BANK1: variants seen among roughly 807,000 people sequenced by gnomAD.
The protein encoded by BANK1 is B-cell scaffold protein with ankyrin repeats.
Under a neutral mutation model 94.5 loss-of-function variants are expected in BANK1, and 95 were observed. The observed-to-expected ratio is 1.00, with a 90% CI of 0.85 to 1.19. The LOEUF (loss-of-function observed/expected upper bound fraction) is 1.19, where lower values mean the gene tolerates loss of function less well. Among genes scored for constraint, BANK1 ranks in the 50% most tolerant of loss-of-function variants. The pLI, the probability that BANK1 is intolerant of heterozygous loss-of-function variation, is 0.00. For synonymous variants in BANK1, 334 were observed against 308.4 expected (o/e 1.08, Z -0.87); for missense variants, 987 against 932.2 (o/e 1.06, Z -0.77).
intron 7 of BANK1, among the ~76,000 whole-genome samples, chr4:101,932,240 C>A (rs1723376767): frequency 6.6e-6 from 1 of 151,464 alleles, no homozygotes; most frequent in African/African-American, 2.4e-5. Context: ...CCACTCTAAC[C>A]TTAATAAACC....
At chr4:102,049,442 A>G (rs537375948) in intron 11 of BANK1, among the ~76,000 whole-genome samples, 2 of 152,284 alleles carry the variant, frequency 1.3e-5, no homozygotes, top group East Asian at 3.9e-4. Flanking sequence ...CGTGGATATG[A>G]CACGTGGCAA....
intron 7 of BANK1, among the ~76,000 whole-genome samples, chr4:101,980,244 T>C (rs1370433004): frequency 6.6e-6 from 1 of 151,846 alleles, no homozygotes; most frequent in East Asian, 1.9e-4. Flanking sequence ...GCTAGGTTTT[T>C]CATAATTTTG....
chr4:101,970,556 G>T (rs764448596), intron 7 of BANK1, among the ~76,000 whole-genome samples: 3 of 152,080 alleles, frequency 2.0e-5, no homozygotes, highest in Non-Finnish European at 4.4e-5. Flanking sequence ...AAGCTTGGAC[G>T]TAAGATACTC....
chr4:102,063,253 T>G, intron 13 of BANK1, 115 bp downstream of exon 13: 1 of 885,770 alleles, frequency 1.1e-6, no homozygotes, highest in Non-Finnish European at 1.8e-6. Flanking sequence ...TTCCCAGCTG[T>G]CTAACCTGGA....
chr4:101,924,911 T>C (rs538444374), intron 7 of BANK1, among the ~76,000 whole-genome samples: 1 of 151,892 alleles, frequency 6.6e-6, no homozygotes, highest in South Asian at 2.1e-4. Flanking sequence ...TTATCCTTTT[T>C]ATTCCAAGAT....
At chr4:101,946,803 A>C (rs1178504536) in intron 7 of BANK1, among the ~76,000 whole-genome samples, 1 of 152,010 alleles carries the variant, frequency 6.6e-6, no homozygotes. Flanking sequence ...CTATGGAATA[A>C]CAAATTTAAT....
chr4:101,936,198 T>G (rs1026280352), intron 7 of BANK1, among the ~76,000 whole-genome samples: 1 of 149,558 alleles, frequency 6.7e-6, no homozygotes, highest in Admixed American at 6.7e-5. Context: ...TATATATATT[T>G]TTTATATATC....
At position 101,915,661 on chromosome 4, in the gene BANK1, T is replaced by C. The variant is rs190955985; in HGVS notation, c.1010-2332T>C. 5.3e-5 allele frequency among the ~76,000 whole-genome samples: 8 copies of C among 152,270 alleles called. No homozygotes were observed. In the East Asian group the frequency reaches 9.7e-4, roughly 18 times the overall value. On this transcript the variant is annotated intron_variant, in intron 6 of 16. Coordinates refer to ENST00000322953, the MANE Select transcript of BANK1 (RefSeq NM_017935.5). ...GTAGATTCAATATTGAGTTTAATAG[T>C]AAAGTATGTATCTACTTGTGAATTT...
chr4:101,916,679 A>G (rs1722839851), intron 6 of BANK1, among the ~76,000 whole-genome samples: 5 of 152,054 alleles, frequency 3.3e-5, no homozygotes, highest in African/African-American at 1.2e-4. Flanking sequence ...AAAACAAGTG[A>G]CATTGGACTT....
chr4:101,892,401 C>T (rs1233317772), intron 5 of BANK1, among the ~76,000 whole-genome samples: 2 of 150,130 alleles, frequency 1.3e-5, no homozygotes, highest in African/African-American at 4.9e-5. Flanking sequence ...AGTAGTCTAA[C>T]ACTTTCTTCA....
chr4:101,964,922 C>T (rs1231061182), intron 7 of BANK1, among the ~76,000 whole-genome samples: 3 of 121,986 alleles, frequency 2.5e-5, no homozygotes, highest in Admixed American at 9.2e-5. Context: ...CCCCTCCCCC[C>T]GCCCCACAAC....
At chr4:101,792,324 T>TA (rs1166453764) in intron 1 of BANK1, among the ~76,000 whole-genome samples, 1 of 143,486 alleles carries the variant, frequency 7.0e-6, no homozygotes, top group African/African-American at 2.5e-5. Context: ...TTGCTTCAGT[T>TA]ACTTCCTTTT....
chr4:101,934,880 T>A (rs1254673225), intron 7 of BANK1, among the ~76,000 whole-genome samples: 1 of 151,558 alleles, frequency 6.6e-6, no homozygotes, highest in Non-Finnish European at 1.5e-5. Context: ...TTATGAGCCG[T>A]GTTTACCTGC....
intron 5 of BANK1, among the ~76,000 whole-genome samples, chr4:101,882,382 A>G (rs1728709519): frequency 6.6e-6 from 1 of 152,184 alleles, no homozygotes; most frequent in Non-Finnish European, 1.5e-5. Flanking sequence ...AAAATTAAGA[A>G]CTTATTCTGT....
At chr4:101,906,712 A>G (rs752050878) in intron 6 of BANK1, among the ~76,000 whole-genome samples, 1 of 152,110 alleles carries the variant, frequency 6.6e-6, no homozygotes, top group Non-Finnish European at 1.5e-5. Context: ...TACCATTGTT[A>G]CCCTGATGCT....
intron 2 of BANK1, among the ~76,000 whole-genome samples, chr4:101,842,582 T>G (rs1727092309): frequency 6.6e-6 from 1 of 152,206 alleles, no homozygotes; most frequent in South Asian, 2.1e-4. Flanking sequence ...CAAATTTTGG[T>G]TTGACTTTGA....
intron 2 of BANK1, among the ~76,000 whole-genome samples, chr4:101,831,193 C>T (rs577478164): frequency 8.5e-5 from 13 of 152,126 alleles, no homozygotes; most frequent in South Asian, 2.1e-4. Flanking sequence ...TATCTTTTTC[C>T]GGACAAACTC....
At chr4:102,000,322 C>CAAAAA (rs3974642) in intron 7 of BANK1, among the ~76,000 whole-genome samples, 3 of 66,100 alleles carry the variant, frequency 4.5e-5, no homozygotes, top group African/African-American at 6.1e-5. Flanking sequence ...AACTCTGTCT[C>CAAAAA]AAAAAAAAAA....
chr4:101,802,001 G>T lies in BANK1; in HGVS notation c.70+11051G>T, dbSNP rs146538783. On this transcript the variant is annotated intron_variant, in intron 1 of 16. Transcript: ENST00000322953. ...GCTAGGGTCTAAGGGTCTTTTATAG[G>T]CACAGGATGGGGGCGTGGCAAGCCA... Among the ~76,000 whole-genome samples the T allele has an allele frequency of 5.0e-3, 761 of 152,270 alleles. 5 individuals are homozygous for T. The highest frequency in any genetic ancestry group is 0.017 in the African/African-American group (720 of 41,556).
Sources: gnomAD v4.1 joint callset for allele counts (sites outside exome capture counted in the v4.1 genomes callset) on GRCh38, gnomAD v4.1.1 for gene constraint, MANE v1.5 for transcripts, NCBI Gene and HGNC (gene_info 2026-07-23, HGNC 2026-07-21) for gene names.